Variants in LUZP2 observed in about 807,000 individuals in gnomAD.
The protein encoded by LUZP2 is leucine zipper protein 2.
A neutral mutation model predicts 51.6 loss-of-function variants in LUZP2; 52 were observed. That is an observed-to-expected ratio of 1.01 (90% CI 0.81 to 1.27). The LOEUF (loss-of-function observed/expected upper bound fraction) is 1.27, where lower values mean the gene tolerates loss of function less well. Ranked by LOEUF, LUZP2 falls within the 50% of genes most tolerant of loss-of-function variation. The pLI, the probability that LUZP2 is intolerant of heterozygous loss-of-function variation, is 0.00. For missense variants in LUZP2, 436 were observed against 395.4 expected (o/e 1.10, Z -0.87); for synonymous variants, 154 against 137.3 (o/e 1.12, Z -0.85).
intron 5 of LUZP2, among the ~76,000 whole-genome samples, chr11:24,767,888 A>T (rs1348477469): frequency 6.6e-6 from 1 of 152,148 alleles, no homozygotes; most frequent in East Asian, 1.9e-4. Flanking sequence ...CAACTGCCTC[A>T]TCATGTAGTC....
intron 5 of LUZP2, among the ~76,000 whole-genome samples, chr11:24,868,723 C>T (rs890813699): frequency 3.3e-5 from 5 of 152,160 alleles, no homozygotes; most frequent in African/African-American, 1.2e-4. Flanking sequence ...TAAAAATCTC[C>T]CCCAAAAGGA....
chr11:25,039,342 G>T (rs1309786795), intron 9 of LUZP2, among the ~76,000 whole-genome samples: 1 of 152,128 alleles, frequency 6.6e-6, no homozygotes, highest in Non-Finnish European at 1.5e-5. Context: ...CCCAGGCTGT[G>T]CACTTGAGGC....
At chr11:25,048,006 A>G (rs1858371814) in intron 9 of LUZP2, among the ~76,000 whole-genome samples, 1 of 151,980 alleles carries the variant, frequency 6.6e-6, no homozygotes, top group African/African-American at 2.4e-5. Context: ...GACAGGAGAC[A>G]CATGATGTTA....
chr11:24,950,088 AG>A (rs1855035546), intron 7 of LUZP2, among the ~76,000 whole-genome samples: 1 of 150,532 alleles, frequency 6.6e-6, no homozygotes, highest in Admixed American at 6.7e-5. Flanking sequence ...ATGGGTGGAA[AG>A]TTAGATAAGT....
intron 9 of LUZP2, among the ~76,000 whole-genome samples, chr11:25,000,710 A>G (rs1856660065): frequency 6.6e-6 from 1 of 152,132 alleles, no homozygotes; most frequent in African/African-American, 2.4e-5. Flanking sequence ...ACCGGGTGGC[A>G]TCTCTTAGTA....
At chr11:24,608,077 C>T (rs1018588416) in intron 1 of LUZP2, among the ~76,000 whole-genome samples, 4 of 152,106 alleles carry the variant, frequency 2.6e-5, no homozygotes, top group Admixed American at 2.0e-4. Flanking sequence ...TCTCGATCTC[C>T]TGACCTCATG....
At chr11:24,988,362 G>A (rs11028324) in intron 9 of LUZP2, among the ~76,000 whole-genome samples, 59,071 of 151,760 alleles carry the variant, frequency 0.39, 13,759 homozygotes, top group East Asian at 0.68. Context: ...TTTTTTTTCA[G>A]TGGGAAACAA....
chr11:24,895,023 T>C (rs918188143), intron 5 of LUZP2, among the ~76,000 whole-genome samples: 6 of 152,144 alleles, frequency 3.9e-5, no homozygotes, highest in Non-Finnish European at 8.8e-5. Flanking sequence ...TACAGCAAAT[T>C]TTTTATATAG....
chr11:24,639,793 C>T (rs1855221453), intron 1 of LUZP2, among the ~76,000 whole-genome samples: 1 of 151,614 alleles, frequency 6.6e-6, no homozygotes, highest in Non-Finnish European at 1.5e-5. Context: ...CAAACCATCT[C>T]TTTCCTCTAC....
intron 5 of LUZP2, among the ~76,000 whole-genome samples, chr11:24,823,449 A>T (rs1249269781): frequency 1.3e-5 from 2 of 152,078 alleles, no homozygotes; most frequent in Non-Finnish European, 2.9e-5. Context: ...ATAGAAATAA[A>T]TTTTGACTTA....
chr11:24,874,499 T>C (rs1039432549), intron 5 of LUZP2, among the ~76,000 whole-genome samples: 6 of 152,172 alleles, frequency 3.9e-5, no homozygotes, highest in African/African-American at 1.4e-4. Context: ...CAGGACTGTA[T>C]GCCTGCACTC....
intron 1 of LUZP2, among the ~76,000 whole-genome samples, chr11:24,549,356 GC>G (rs1452479157): frequency 2.6e-5 from 4 of 152,090 alleles, no homozygotes; most frequent in African/African-American, 9.7e-5. Flanking sequence ...CACACACGGA[GC>G]TGTCCTCTCC....
At chr11:24,952,007 C>T (rs1158338769) in intron 7 of LUZP2, among the ~76,000 whole-genome samples, 1 of 151,498 alleles carries the variant, frequency 6.6e-6, no homozygotes, top group Non-Finnish European at 1.5e-5. Context: ...TGGAATCGAC[C>T]TGAATTGATT....
chr11:24,639,494 C>G (rs1051562956), intron 1 of LUZP2, among the ~76,000 whole-genome samples: 4 of 151,670 alleles, frequency 2.6e-5, no homozygotes, highest in Non-Finnish European at 4.4e-5. Flanking sequence ...TCTTGTTGCC[C>G]AGGCTGGAGT....
chr11:24,981,430 A>T (rs1036295735), intron 8 of LUZP2, among the ~76,000 whole-genome samples: 57 of 151,768 alleles, frequency 3.8e-4, no homozygotes, highest in Non-Finnish European at 8.8e-5. Flanking sequence ...CCTCATTGCC[A>T]TCTAGGTTTT....
At chr11:24,521,220 G>A (rs4444077) in intron 1 of LUZP2, among the ~76,000 whole-genome samples, 64,343 of 151,788 alleles carry the variant, frequency 0.42, 14,487 homozygotes, top group East Asian at 0.62. Flanking sequence ...GCATGGTGGC[G>A]TGGGCCTGTA....
intron 1 of LUZP2, among the ~76,000 whole-genome samples, chr11:24,502,231 A>C (rs1590108784): frequency 6.6e-6 from 1 of 152,290 alleles, no homozygotes; most frequent in Admixed American, 6.5e-5. Flanking sequence ...AAAAAAGAAA[A>C]AATATAGATA....
At chr11:24,904,936 T>C (rs1286950550) in intron 5 of LUZP2, among the ~76,000 whole-genome samples, 1 of 152,042 alleles carries the variant, frequency 6.6e-6, no homozygotes, top group Admixed American at 6.6e-5. Context: ...TCCATGCAAA[T>C]GGAAACCAAA....
intron 9 of LUZP2, among the ~76,000 whole-genome samples, chr11:25,023,310 C>T (rs1046694122): frequency 6.6e-6 from 1 of 152,000 alleles, no homozygotes; most frequent in Non-Finnish European, 1.5e-5. Flanking sequence ...TTAATAGCCT[C>T]AATTTCACAG....
Sources: gnomAD v4.1 joint callset for allele counts (sites outside exome capture counted in the v4.1 genomes callset) on GRCh38, gnomAD v4.1.1 for gene constraint, MANE v1.5 for transcripts, NCBI Gene and HGNC (gene_info 2026-07-23, HGNC 2026-07-21) for gene names.